Variants in CCNG1 observed in about 807,000 individuals in gnomAD.
The protein encoded by CCNG1 is cyclin G1.
CCNG1 carries 13 observed loss-of-function variants against 30.0 expected under a neutral mutation model. That is an observed-to-expected ratio of 0.43 (90% CI 0.28 to 0.69). CCNG1 has a LOEUF of 0.69. Among genes scored for constraint, CCNG1 ranks in the 30% least tolerant of loss-of-function variants. CCNG1 has a pLI of 0.16. For missense variants in CCNG1, 285 were observed against 331.4 expected (o/e 0.86, Z 1.09); for synonymous variants, 110 against 121.5 (o/e 0.91, Z 0.62).
At chr5:163,453,877 C>A in the CCNG1 span, 1 of 581,942 alleles carries the variant, frequency 1.7e-6, no homozygotes. Flanking sequence ...TAACTGTAGG[C>A]ATCCGCATTT....
rs778754070 is a variant in CCNG1, at chr5:163,441,912, T to C, written c.545T>C (p.Leu182Pro). Residue 182 changes from leucine (L) to proline (P), a missense_variant, in exon 4 of 7, where the codon CTA becomes CCA. Physicochemically the swap from Leu to Pro is moderately conservative, Grantham distance 98 (BLOSUM62 -3). Transcript: ENST00000340828. ...AGAAATAGCATTAATTTTGAAAGAC[T>C]AGAAGCTCAACTGAAGGCATGTCAT... ...ERRNSINFER[L>P]EAQLKACHCR... The C allele has an allele frequency of 3.1e-6, 5 of 1,608,462 alleles. No individual in the cohort carries two copies. The South Asian group carries it at 3.3e-5, about 11-fold the overall frequency.
Position 163,441,162 on chromosome 5 carries a change from T to A in CCNG1, c.349T>A (p.Leu117Met). 3 of 1,614,024 alleles carry A rather than the reference T, an allele frequency of 1.9e-6. No individual in the cohort carries two copies. The highest frequency in any genetic ancestry group is 2.5e-6 in the Non-Finnish European group (3 of 1,179,892). ...KSIEEERNVP[L>M]ATDLIRISQY... ...AATAGAAGAGGAAAGGAATGTCCCA[T>A]TGGCAACTGACTTGATCCGAATAAG... is the stretch of plus-strand genomic sequence containing the variant. The change falls in exon 3 of 7, where the codon TTG becomes ATG. Residue 117 changes from leucine (L) to methionine (M), a missense_variant. Physicochemically the swap from Leu to Met is conservative, Grantham distance 15. Transcript: ENST00000340828.
At chr5:163,442,639 A>G in intron 6 of CCNG1, 71 bp downstream of exon 6, 1 of 1,192,044 alleles carries the variant, frequency 8.4e-7, no homozygotes, top group Non-Finnish European at 1.2e-6. Flanking sequence ...ACTAAAGAAG[A>G]GTAATTATCT....
chr5:163,457,120 T>C, the CCNG1 span: 76 of 1,530,174 alleles, frequency 5.0e-5, no homozygotes, highest in Non-Finnish European at 6.3e-5. Flanking sequence ...ACAAATAAAT[T>C]AGAGTTCTTC....
At chr5:163,448,392 A>T (rs1333591823), downstream of CCNG1, 1 of 152,184 alleles carries the variant, frequency 6.6e-6, no homozygotes, top group Non-Finnish European at 1.5e-5. Context: ...GATCCTCATT[A>T]GAACGACACA....
rs758900071 is a variant in CCNG1, at chr5:163,441,162, T to C, written c.349T>C (p.Leu117=). 2.5e-6 allele frequency: 4 copies of C among 1,613,906 alleles called. No individual in the cohort carries two copies. Among genetic ancestry groups the C allele is most frequent in the Admixed American group, 1.7e-5 (1 of 60,006 alleles). Residue 117 remains leucine, a synonymous_variant, in exon 3 of 7, where the codon TTG becomes CTG. Coordinates refer to ENST00000340828, the MANE Select transcript of CCNG1 (RefSeq NM_004060.4). ...KSIEEERNVP[L]ATDLIRISQY... ...AATAGAAGAGGAAAGGAATGTCCCA[T>C]TGGCAACTGACTTGATCCGAATAAG...
At chr5:163,441,662 G>C in intron 3 of CCNG1, 1 of 535,398 alleles carries the variant, frequency 1.9e-6, no homozygotes, top group South Asian at 2.7e-5. Flanking sequence ...TTGTGGCATA[G>C]TACTATTCAT....
At chr5:163,449,617 GAA>G (rs1404633001), downstream of CCNG1, 1 of 152,106 alleles carries the variant, frequency 6.6e-6, no homozygotes, top group African/African-American at 2.4e-5. Context: ...AAACAATTTT[GAA>G]AAAGATTTCA....
chr5:163,454,131 G>A, the CCNG1 span: 9 of 640,542 alleles, frequency 1.4e-5, no homozygotes, highest in Admixed American at 9.1e-5. Flanking sequence ...GATAAAAAAG[G>A]ATATATAAAT....
the CCNG1 span, among the ~76,000 whole-genome samples, chr5:163,454,486 C>T: frequency 7.9e-5 from 12 of 152,108 alleles, no homozygotes; most frequent in African/African-American, 2.2e-4. Flanking sequence ...CGATTACAGG[C>T]ATGTACCACC....
intron 6 of CCNG1, among the ~76,000 whole-genome samples, chr5:163,443,326 AAAG>A (rs1193567198): frequency 1.3e-5 from 2 of 151,982 alleles, no homozygotes; most frequent in Non-Finnish European, 2.9e-5. Flanking sequence ...AAAAAAAAAA[AAAG>A]AAAAAAAGTA....
intron 6 of CCNG1, among the ~76,000 whole-genome samples, chr5:163,442,853 C>CT (rs535525236): frequency 4.7e-4 from 72 of 152,056 alleles, no homozygotes; most frequent in African/African-American, 1.7e-3. Flanking sequence ...TAAAATCATG[C>CT]TTTTTTTTAA....
the CCNG1 span, chr5:163,451,236 G>C: frequency 2.0e-5 from 3 of 152,152 alleles, no homozygotes; most frequent in African/African-American, 7.2e-5. Flanking sequence ...TATACTAAAA[G>C]CTACTGAATT....
In CCNG1 at chr5:163,442,157, A is replaced by G. The variant is rs754908072; in HGVS notation, c.696+14A>G. On this transcript the variant is annotated intron_variant, in intron 5 of 6. Coordinates refer to ENST00000340828, the MANE Select transcript of CCNG1 (RefSeq NM_004060.4). ...AAACATTCCAAGGTATGTGAAGGAC[A>G]TAGCCTAAATCCTATTAACAGCTGT... is the stretch of plus-strand genomic sequence containing the variant. 7 of 1,521,400 alleles carry G rather than the reference A, an allele frequency of 4.6e-6. No homozygotes were observed. The allele number at this position is 1,521,400 out of a possible 1,614,324, so 94.2% of individuals were successfully genotyped here. A position where few individuals can be genotyped will look rare whatever the true frequency, so the allele number is the denominator to read the frequency against.
At chr5:163,439,594 A>T in intron 2 of CCNG1, 74 bp downstream of exon 2, 3 of 1,369,052 alleles carry the variant, frequency 2.2e-6, no homozygotes, top group Non-Finnish European at 3.0e-6. Context: ...TTTGGCTGGT[A>T]TTCATAAACT....
chr5:163,443,072 G>A (rs1320302940), intron 6 of CCNG1, among the ~76,000 whole-genome samples: 1 of 152,156 alleles, frequency 6.6e-6, no homozygotes, highest in South Asian at 2.1e-4. Flanking sequence ...CACTTTGGGA[G>A]GCCAAGGCGG....
downstream of CCNG1, chr5:163,450,260 CAAAAAAA>C (rs1191733115): frequency 1.3e-5 from 2 of 151,414 alleles, no homozygotes; most frequent in Admixed American, 6.6e-5. Context: ...GAATGTGAGT[CAAAAAAA>C]GAAAAAAGAA....
chr5:163,442,593 C>G, intron 6 of CCNG1, 25 bp downstream of exon 6: 1 of 1,521,502 alleles, frequency 6.6e-7, no homozygotes, highest in Non-Finnish European at 8.9e-7. Context: ...TTATTATTCT[C>G]CAGATAGAGA....
At chr5:163,447,418 T>G (rs1374147949), downstream of CCNG1, 2 of 142,374 alleles carry the variant, frequency 1.4e-5, no homozygotes, top group Admixed American at 1.5e-4. Context: ...GTTGCTATGC[T>G]CCAGCCTGAG....
Sources: allele counts gnomAD v4.1 joint callset (sites outside exome capture counted in the v4.1 genomes callset), GRCh38; gene constraint gnomAD v4.1.1; transcripts MANE v1.5; gene names NCBI Gene and HGNC (gene_info 2026-07-23, HGNC 2026-07-21).